Variants in DOK6 observed in about 807,000 individuals in gnomAD.
DOK6 encodes the protein downstream of tyrosine kinase 6.
DOK6 carries 22 observed loss-of-function variants against 44.0 expected under a neutral mutation model. That is an observed-to-expected ratio of 0.50 (90% CI 0.36 to 0.71). The LOEUF (loss-of-function observed/expected upper bound fraction) is 0.71. Among genes scored for constraint, DOK6 ranks in the 30% least tolerant of loss-of-function variants. The pLI is 0.00. For missense variants in DOK6, 340 were observed against 416.4 expected, an observed-to-expected ratio of 0.82 and a Z score of 1.60; for synonymous variants, 166 against 145.5, an observed-to-expected ratio of 1.14 and a Z score of -1.01.
chr18:69,665,503 C>A (rs1487465822), intron 3 of DOK6, among the ~76,000 whole-genome samples: 1 of 152,142 alleles, frequency 6.6e-6, no homozygotes, highest in African/African-American at 2.4e-5. Flanking sequence ...AGGGGGCCAC[C>A]AGTCCATTGT....
chr18:69,455,396 C>A (rs1033526416), intron 1 of DOK6, among the ~76,000 whole-genome samples: 6 of 152,142 alleles, frequency 3.9e-5, no homozygotes, highest in African/African-American at 1.4e-4. Flanking sequence ...GAAAGCTTTT[C>A]ATACACGGAG....
intron 2 of DOK6, among the ~76,000 whole-genome samples, chr18:69,582,219 A>C (rs867637460): frequency 6.6e-6 from 1 of 152,238 alleles, no homozygotes; most frequent in Admixed American, 6.5e-5. Context: ...TTCTGATATA[A>C]CTTTATTTAC....
intron 2 of DOK6, among the ~76,000 whole-genome samples, chr18:69,588,490 G>A (rs1983555240): frequency 6.6e-6 from 1 of 152,082 alleles, no homozygotes; most frequent in Non-Finnish European, 1.5e-5. Context: ...GCACTAGAGA[G>A]GAAGGCTGGT....
chr18:69,656,176 C>A (rs1167168178), intron 3 of DOK6, among the ~76,000 whole-genome samples: 1 of 151,654 alleles, frequency 6.6e-6, no homozygotes, highest in African/African-American at 2.4e-5. Flanking sequence ...AACAATAAGA[C>A]AAAATACTCT....
chr18:69,651,551 C>T (rs1456882487), intron 3 of DOK6, among the ~76,000 whole-genome samples: 3 of 147,626 alleles, frequency 2.0e-5, no homozygotes, highest in East Asian at 2.0e-4. Flanking sequence ...TGCAGCAGCG[C>T]GATCTTGGCT....
intron 4 of DOK6, among the ~76,000 whole-genome samples, chr18:69,682,302 T>C (rs1986062054): frequency 1.3e-5 from 2 of 152,178 alleles, no homozygotes; most frequent in South Asian, 4.1e-4. Context: ...AGTGCATCAA[T>C]TCATGTTTTG....
At chr18:69,441,368 G>A (rs1038852394) in intron 1 of DOK6, among the ~76,000 whole-genome samples, 1 of 152,012 alleles carries the variant, frequency 6.6e-6, no homozygotes, top group Non-Finnish European at 1.5e-5. Context: ...TTCCTTTGAG[G>A]ATCTCAATTA....
chr18:69,739,293 C>A, intron 6 of DOK6, 190 bp downstream of exon 6: 1 of 672,182 alleles, frequency 1.5e-6, no homozygotes, highest in South Asian at 3.0e-5. Flanking sequence ...GTTATTGTGG[C>A]CACCAACTGT....
intron 4 of DOK6, 89 bp downstream of exon 4, chr18:69,677,942 C>T (rs1835536731): frequency 2.7e-6 from 4 of 1,484,756 alleles, no homozygotes; most frequent in Admixed American, 2.3e-5. Context: ...ATGTTTCAGA[C>T]CAATCATATT....
chr18:69,612,750 C>A (rs1479910433), intron 3 of DOK6, among the ~76,000 whole-genome samples: 2 of 152,212 alleles, frequency 1.3e-5, no homozygotes, highest in East Asian at 3.8e-4. Flanking sequence ...GTATTCCTAG[C>A]ACCACATGCT....
chr18:69,490,096 C>T (rs1197175041), intron 1 of DOK6, among the ~76,000 whole-genome samples: 1 of 151,960 alleles, frequency 6.6e-6, no homozygotes, highest in East Asian at 1.9e-4. Flanking sequence ...AAGAATTGTC[C>T]TGATATATTT....
chr18:69,406,656 A>T (rs1177631462), intron 1 of DOK6, among the ~76,000 whole-genome samples: 3 of 152,264 alleles, frequency 2.0e-5, no homozygotes, highest in African/African-American at 7.2e-5. Context: ...ATTAATAGAT[A>T]GTGAGCAGGG....
At chr18:69,545,503 T>G (rs1982379630) in intron 1 of DOK6, among the ~76,000 whole-genome samples, 1 of 144,720 alleles carries the variant, frequency 6.9e-6, no homozygotes, top group African/African-American at 2.6e-5. Context: ...ACTATTTCTC[T>G]TCAGTGAAAT....
intron 5 of DOK6, among the ~76,000 whole-genome samples, 181 bp downstream of exon 5, chr18:69,698,774 G>GT (rs1568337183): frequency 2.6e-5 from 4 of 152,132 alleles, no homozygotes; most frequent in Admixed American, 2.0e-4. Context: ...AATTCTGTTA[G>GT]TTTTTTGGCA....
At chr18:69,659,039 T>C (rs144252785) in intron 3 of DOK6, among the ~76,000 whole-genome samples, 12 of 152,330 alleles carry the variant, frequency 7.9e-5, no homozygotes, top group African/African-American at 2.9e-4. Context: ...GCAGGCAAAT[T>C]GAAAATTTCC....
chr18:69,810,903 A>T (rs2145115153), intron 7 of DOK6, among the ~76,000 whole-genome samples: 1 of 152,232 alleles, frequency 6.6e-6, no homozygotes, highest in East Asian at 1.9e-4. Flanking sequence ...GTCATTCAAA[A>T]AATTAAAAAT....
chr18:69,483,536 A>T (rs1980489478), intron 1 of DOK6: 3 of 152,148 alleles, frequency 2.0e-5, no homozygotes, highest in African/African-American at 7.2e-5. Context: ...TTTCCATAGC[A>T]TTGGGACAGA....
chr18:69,407,670 A>T (rs184605112), intron 1 of DOK6, among the ~76,000 whole-genome samples: 1 of 152,322 alleles, frequency 6.6e-6, no homozygotes, highest in East Asian at 1.9e-4. Flanking sequence ...GTCAAAGTGG[A>T]TAGAATAAGT....
At chr18:69,487,004 T>A (rs8090725) in intron 1 of DOK6, among the ~76,000 whole-genome samples, 10,221 of 152,120 alleles carry the variant, frequency 0.067, 1,126 homozygotes, top group African/African-American at 0.23. Flanking sequence ...TACTTTCTGC[T>A]CCACTTTAGG....
Sources: gnomAD v4.1 joint callset for allele counts (sites outside exome capture counted in the v4.1 genomes callset) on GRCh38, gnomAD v4.1.1 for gene constraint, MANE v1.5 for transcripts, NCBI Gene and HGNC (gene_info 2026-07-23, HGNC 2026-07-21) for gene names.